GCSAML: variants seen among roughly 807,000 people sequenced by gnomAD.
GCSAML encodes the protein germinal center-associated signaling and motility-like protein.
Under a neutral mutation model 13.0 loss-of-function variants are expected in GCSAML, and 9 were observed. That is an observed-to-expected ratio of 0.69 (90% CI 0.42 to 1.21). GCSAML has a LOEUF of 1.21. Ranked by LOEUF, GCSAML falls within the 50% of genes most tolerant of loss-of-function variation. The pLI is 0.00. For synonymous variants in GCSAML, 37 were observed against 52.9 expected, an observed-to-expected ratio of 0.70 and a Z score of 1.31; for missense variants, 143 against 153.4, an observed-to-expected ratio of 0.93 and a Z score of 0.36.
At chr1:247,557,007 A>G (rs1033235093) in intron 2 of GCSAML, among the ~76,000 whole-genome samples, 2 of 152,122 alleles carry the variant, frequency 1.3e-5, no homozygotes, top group Non-Finnish European at 2.9e-5. Flanking sequence ...TAAGCCACCA[A>G]ACTCAGCCTC....
chr1:247,517,569 G>A (rs540351125), intron 1 of GCSAML, among the ~76,000 whole-genome samples: 2 of 152,148 alleles, frequency 1.3e-5, no homozygotes, highest in Non-Finnish European at 1.5e-5. Context: ...ACTTATTTCT[G>A]AAAATAACAA....
chr1:247,544,614 C>T (rs1258003295), upstream of GCSAML, among the ~76,000 whole-genome samples: 1 of 152,148 alleles, frequency 6.6e-6, no homozygotes, highest in Non-Finnish European at 1.5e-5. Flanking sequence ...GGGTGGATCG[C>T]TTGAGCCCAG....
At chr1:247,513,469 T>C (rs1267242608) in intron 1 of GCSAML, among the ~76,000 whole-genome samples, 2 of 152,222 alleles carry the variant, frequency 1.3e-5, no homozygotes. Flanking sequence ...TCCACTGAGC[T>C]AGACCACTTG....
intron 4 of GCSAML, among the ~76,000 whole-genome samples, chr1:247,570,511 G>C (rs765703976): frequency 6.6e-6 from 1 of 152,102 alleles, no homozygotes; most frequent in Non-Finnish European, 1.5e-5. Context: ...ATGTAGTTTT[G>C]CGGTTTTGAG....
Position 247,576,718 on chromosome 1 carries a change from G to T in GCSAML, c.*2336G>T, listed in dbSNP as rs1429314650. 6.6e-6 allele frequency: 1 copy of T among 152,112 alleles called. No individual in the cohort carries two copies. Among genetic ancestry groups the T allele is most frequent in the Non-Finnish European group, 1.5e-5 (1 of 68,028 alleles). 9.4% of individuals were successfully genotyped at this position (152,112 alleles called of 1,614,324 possible). A position where few individuals can be genotyped will look rare whatever the true frequency, so the allele number is the denominator to read the frequency against. On this transcript the variant is annotated 3_prime_UTR_variant, in exon 5 of 5. Coordinates refer to ENST00000366488, the MANE Select transcript of GCSAML (RefSeq NM_145278.5). The stretch of plus-strand genomic sequence containing the variant: ...ATTCAACGAATTCTTATGCCCTCTT[G>T]TGGTGATTTTAATGTGCGGAAGGGA...
At chr1:247,530,513 G>C (rs1666880898) in intron 2 of GCSAML, 1 of 85,250 alleles carries the variant, frequency 1.2e-5, no homozygotes. Context: ...CAAACACCAT[G>C]CCATCCCCCC....
intron 1 of GCSAML, among the ~76,000 whole-genome samples, chr1:247,516,801 A>G (rs1344524498): frequency 6.6e-6 from 1 of 152,242 alleles, no homozygotes; most frequent in Non-Finnish European, 1.5e-5. Flanking sequence ...GTGATAGTAG[A>G]AAATTATATT....
chr1:247,541,084 A>AC (rs754113837), intron 2 of GCSAML, among the ~76,000 whole-genome samples: 5 of 152,220 alleles, frequency 3.3e-5, no homozygotes, highest in Non-Finnish European at 7.4e-5. Context: ...TTATTTTTTC[A>AC]TCCAGACATT....
upstream of GCSAML, among the ~76,000 whole-genome samples, chr1:247,547,245 G>A (rs1172182576): frequency 1.3e-5 from 2 of 151,940 alleles, no homozygotes; most frequent in African/African-American, 4.8e-5. Context: ...TGAATATTGT[G>A]CATGTCTTTG....
At chr1:247,521,533 C>T (rs1456058384) in intron 1 of GCSAML, among the ~76,000 whole-genome samples, 5 of 152,308 alleles carry the variant, frequency 3.3e-5, no homozygotes, top group Admixed American at 2.6e-4. Flanking sequence ...GGGGGCGCCA[C>T]GACGCCTGAC....
At chr1:247,553,511 G>T (rs1481794612) in intron 1 of GCSAML, among the ~76,000 whole-genome samples, 3 of 151,940 alleles carry the variant, frequency 2.0e-5, no homozygotes, top group African/African-American at 7.3e-5. Context: ...TTTCATCAAG[G>T]TTGCTGTATA....
chr1:247,566,015 G>T, intron 4 of GCSAML, 56 bp downstream of exon 4: 1 of 1,289,364 alleles, frequency 7.8e-7, no homozygotes, highest in Non-Finnish European at 1.1e-6. Flanking sequence ...TATTATGTTT[G>T]TCTGATAAAT....
intron 1 of GCSAML, among the ~76,000 whole-genome samples, chr1:247,553,145 AT>A (rs1306704637): frequency 3.3e-5 from 5 of 152,118 alleles, no homozygotes; most frequent in Non-Finnish European, 5.9e-5. Flanking sequence ...TAGAGCTTTA[AT>A]TTTTTGTTTT....
intron 2 of GCSAML, among the ~76,000 whole-genome samples, chr1:247,556,966 T>C (rs1038004074): frequency 4.6e-5 from 7 of 152,218 alleles, no homozygotes; most frequent in Non-Finnish European, 8.8e-5. Context: ...CCCACTATCT[T>C]ACATGCATTC....
chr1:247,568,850 C>T (rs1400074794), intron 4 of GCSAML, among the ~76,000 whole-genome samples: 2 of 152,040 alleles, frequency 1.3e-5, no homozygotes, highest in African/African-American at 4.8e-5. Flanking sequence ...TCTTTTATTT[C>T]CTTGAGCAGT....
chr1:247,532,448 G>C, intron 2 of GCSAML: 6 of 1,613,790 alleles, frequency 3.7e-6, no homozygotes, highest in Non-Finnish European at 3.4e-6. Context: ...TCTAGTGAGG[G>C]TCGTGTGGAG....
Position 247,537,927 on chromosome 1 carries a change from C to T in GCSAML, c.-148+10873C>T, listed in dbSNP as rs539650312. On this transcript the variant is annotated intron_variant, in intron 2 of 5. Coordinates refer to the GCSAML transcript ENST00000366489. ...TACATGATTTGCAAATATTTTCTCT[C>T]GCTCTGTATATTGTCTTTTAACTCT... 6.6e-5 allele frequency among the ~76,000 whole-genome samples: 10 copies of T among 152,214 alleles called. No individual in the cohort carries two copies. The South Asian group carries it at 1.7e-3, about 25-fold the overall frequency.
intron 2 of GCSAML, chr1:247,528,632 A>G (rs1481755781): frequency 2.0e-5 from 3 of 152,246 alleles, no homozygotes; most frequent in Admixed American, 6.5e-5. Context: ...GATGGTGAGG[A>G]AGGGAAACTT....
At chr1:247,550,247 A>C (rs1667720549) in intron 1 of GCSAML, among the ~76,000 whole-genome samples, 3 of 152,084 alleles carry the variant, frequency 2.0e-5, no homozygotes, top group African/African-American at 7.2e-5. Context: ...GCTTCCCCAC[A>C]CCTGATGGTT....
Sources: allele counts gnomAD v4.1 joint callset (sites outside exome capture counted in the v4.1 genomes callset), GRCh38; gene constraint gnomAD v4.1.1; transcripts MANE v1.5; gene names NCBI Gene and HGNC (gene_info 2026-07-23, HGNC 2026-07-21).